Variants in NCAM2 observed in about 807,000 individuals in gnomAD.
NCAM2 encodes N-CAM-2.
A neutral mutation model predicts 98.1 loss-of-function variants in NCAM2; 30 were observed. The ratio of observed to expected loss-of-function variants is 0.31; its 90% confidence interval spans 0.23 to 0.41. The LOEUF (loss-of-function observed/expected upper bound fraction) is 0.41. Among genes scored for constraint, NCAM2 ranks in the 10% least tolerant of loss-of-function variants. NCAM2 has a pLI of 1.00. For synonymous variants in NCAM2, 368 were observed against 342.4 expected, an observed-to-expected ratio of 1.07 and a Z score of -0.83; for missense variants, 867 against 1,005.8, an observed-to-expected ratio of 0.86 and a Z score of 1.87.
At chr21:21,218,451 T>G (rs2070000099) in intron 1 of NCAM2, among the ~76,000 whole-genome samples, 1 of 152,210 alleles carries the variant, frequency 6.6e-6, no homozygotes, top group African/African-American at 2.4e-5. Context: ...GATGTCCATG[T>G]GTCTGGAACT....
At chr21:21,397,694 A>G (rs1163238100) in intron 9 of NCAM2, among the ~76,000 whole-genome samples, 1 of 152,202 alleles carries the variant, frequency 6.6e-6, no homozygotes, top group African/African-American at 2.4e-5. Context: ...CTGCACATGC[A>G]CCAGGGAGTG....
chr21:21,505,950 C>A (rs1390039093), intron 15 of NCAM2, among the ~76,000 whole-genome samples: 1 of 151,696 alleles, frequency 6.6e-6, no homozygotes, highest in Non-Finnish European at 1.5e-5. Flanking sequence ...CTGAGAGATA[C>A]TAGATGGCTT....
At chr21:21,431,308 T>A (rs983445283) in intron 11 of NCAM2, among the ~76,000 whole-genome samples, 27 of 125,768 alleles carry the variant, frequency 2.1e-4, no homozygotes, top group Non-Finnish European at 4.1e-4. Flanking sequence ...TTTTCAAAAA[T>A]CCCTCACTGG....
At chr21:21,113,045 G>T (rs949930659) in intron 1 of NCAM2, among the ~76,000 whole-genome samples, 15 of 152,090 alleles carry the variant, frequency 9.9e-5, no homozygotes, top group African/African-American at 3.4e-4. Context: ...TATATTAGGG[G>T]TATTGTGGTT....
intron 12 of NCAM2, among the ~76,000 whole-genome samples, chr21:21,460,248 C>G (rs114608538): frequency 0.01 from 1,535 of 151,958 alleles, 31 homozygotes; most frequent in African/African-American, 0.035. Context: ...GCTCTCTGTA[C>G]TCTAGTTTTA....
chr21:21,286,181 A>G (rs1048047463), intron 3 of NCAM2, 88 bp from the exon 4 acceptor site: 28 of 1,350,896 alleles, frequency 2.1e-5, no homozygotes, highest in East Asian at 5.0e-5. Flanking sequence ...TATAGTATCA[A>G]TAGAGTCTGG....
chr21:21,398,860 CAGCTGCT>C, intron 9 of NCAM2, among the ~76,000 whole-genome samples: 1 of 152,162 alleles, frequency 6.6e-6, no homozygotes, highest in African/African-American at 2.4e-5. Flanking sequence ...AATCTAAGTT[CAGCTGCT>C]CATCACTTGA....
At chr21:21,530,317 A>AT (rs1210143934) in intron 16 of NCAM2, among the ~76,000 whole-genome samples, 4 of 22,466 alleles carry the variant, frequency 1.8e-4, no homozygotes, top group African/African-American at 6.8e-4. Context: ...ATTATATATA[A>AT]TTAAATTAAA....
chr21:21,474,405 T>C (rs560860808), intron 14 of NCAM2, among the ~76,000 whole-genome samples: 31 of 152,274 alleles, frequency 2.0e-4, no homozygotes, highest in African/African-American at 6.7e-4. Flanking sequence ...GCCTTGTGTT[T>C]GTACAGAAGT....
chr21:20,998,587 C>T lies in NCAM2; in HGVS notation c.24C>T (p.Tyr8=). Reference sequence around the variant, plus strand: ...ACATGAGCCTCCTCCTCTCCTTCTACCTGCTGGGGTTGCTTGTCAGTAGCG... The same window carrying T: ...ACATGAGCCTCCTCCTCTCCTTCTATCTGCTGGGGTTGCTTGTCAGTAGCG... The part of the protein sequence containing the change: MSLLLSF[Y]LLGLLVSSGQ... Residue 8 remains tyrosine, a synonymous_variant, in exon 1 of 18, where the codon TAC becomes TAT. Transcript: ENST00000400546. 2.5e-6 allele frequency: 4 copies of T among 1,614,142 alleles called. No homozygotes were observed. Among genetic ancestry groups the T allele is most frequent in the Non-Finnish European group, 3.4e-6 (4 of 1,180,002 alleles).
intron 1 of NCAM2, among the ~76,000 whole-genome samples, chr21:21,272,487 T>TAC (rs570687727): frequency 3.9e-5 from 5 of 128,578 alleles, no homozygotes; most frequent in Non-Finnish European, 6.4e-5. Flanking sequence ...CACGCACACA[T>TAC]ACACACACAT....
chr21:21,426,545 A>G (rs2077217672), intron 11 of NCAM2, among the ~76,000 whole-genome samples: 1 of 152,202 alleles, frequency 6.6e-6, no homozygotes, highest in African/African-American at 2.4e-5. Flanking sequence ...ACAAAATAGC[A>G]TAAGCGTGGT....
intron 5 of NCAM2, among the ~76,000 whole-genome samples, chr21:21,314,110 G>A (rs975628715): frequency 4.0e-5 from 6 of 151,884 alleles, no homozygotes; most frequent in Non-Finnish European, 7.4e-5. Context: ...GATATTTACC[G>A]TTTGTAACTC....
At chr21:21,001,238 G>C (rs1601051029) in intron 1 of NCAM2, among the ~76,000 whole-genome samples, 1 of 152,128 alleles carries the variant, frequency 6.6e-6, no homozygotes, top group African/African-American at 2.4e-5. Flanking sequence ...AGCTAACAAG[G>C]CCTAATAGTT....
chr21:21,485,416 TAG>T (rs1023512925), intron 15 of NCAM2, among the ~76,000 whole-genome samples: 6 of 152,024 alleles, frequency 3.9e-5, no homozygotes, highest in Non-Finnish European at 7.4e-5. Flanking sequence ...TTGCAAGCAT[TAG>T]AGAGAGAGAA....
chr21:21,340,166 C>G (rs1235526290), intron 8 of NCAM2, among the ~76,000 whole-genome samples: 3 of 151,810 alleles, frequency 2.0e-5, no homozygotes, highest in Non-Finnish European at 3.0e-5. Context: ...TTAGATCACT[C>G]AAAAGTATTT....
intron 3 of NCAM2, among the ~76,000 whole-genome samples, chr21:21,285,667 T>C (rs563228753): frequency 5.9e-5 from 9 of 152,146 alleles, no homozygotes; most frequent in African/African-American, 1.4e-4. Flanking sequence ...AATATCCATG[T>C]TCACTCATTC....
intron 1 of NCAM2, among the ~76,000 whole-genome samples, chr21:21,271,533 T>C (rs1467547761): frequency 6.6e-6 from 1 of 152,216 alleles, no homozygotes; most frequent in African/African-American, 2.4e-5. Flanking sequence ...ATATTAAAAT[T>C]ATGTAATGCT....
intron 8 of NCAM2, among the ~76,000 whole-genome samples, chr21:21,347,477 G>C (rs1271790418): frequency 1.3e-5 from 2 of 151,772 alleles, no homozygotes; most frequent in Non-Finnish European, 2.9e-5. Context: ...AACCTGAACA[G>C]ACCAACAACA....
Sources: gnomAD v4.1 joint callset for allele counts (sites outside exome capture counted in the v4.1 genomes callset) on GRCh38, gnomAD v4.1.1 for gene constraint, MANE v1.5 for transcripts, NCBI Gene and HGNC (gene_info 2026-07-23, HGNC 2026-07-21) for gene names.